The following KHDRBS2 variants were observed in gnomAD, a reference collection of about 807,000 sequenced individuals.
KHDRBS2 encodes the protein KH RNA binding domain containing, signal transduction associated 2.
A neutral mutation model predicts 44.3 loss-of-function variants in KHDRBS2; 26 were observed. The observed-to-expected ratio is 0.59, with a 90% CI of 0.43 to 0.81. The LOEUF (loss-of-function observed/expected upper bound fraction) is 0.81. Ranked by LOEUF, KHDRBS2 falls within the 40% of genes least tolerant of loss-of-function variation. The pLI, the probability that KHDRBS2 is intolerant of heterozygous loss-of-function variation, is 0.00. For missense variants in KHDRBS2, 476 were observed against 433.1 expected, an observed-to-expected ratio of 1.10 and a Z score of -0.88; for synonymous variants, 194 against 151.1, an observed-to-expected ratio of 1.28 and a Z score of -2.08.
In KHDRBS2 at chr6:61,732,723, G is replaced by A. The variant is rs766364909; in HGVS notation, c.852C>T (p.Thr284=). The A allele has an allele frequency of 3.7e-6, 6 of 1,612,060 alleles. No individual in the cohort carries two copies. The highest frequency in any genetic ancestry group is 5.1e-6 in the Non-Finnish European group (6 of 1,178,454). Residue 284 remains threonine (T), a synonymous_variant, in exon 7 of 9, where the codon ACC becomes ACT. Coordinates refer to ENST00000281156, the MANE Select transcript of KHDRBS2 (RefSeq NM_152688.4). The part of the protein sequence containing the change: ...DGYGGEYDDQ[T]YETYDNSYAT... ...CATAGCTGTTATCATAAGTCTCATA[G>A]GTCTGGTCATCATATTCACCCCCGT... is the stretch of plus-strand genomic sequence containing the variant.
rs575312300 is a variant in KHDRBS2 at position 61,876,920 on chromosome 6, C to A, written c.810+17715G>T. Among the ~76,000 whole-genome samples the A allele has an allele frequency of 1.7e-4, 26 of 152,178 alleles. No individual in the cohort carries two copies. In the South Asian group the frequency reaches 5.0e-3, roughly 29 times the overall value. Reference sequence around the variant, plus strand: ...TTCCTTGTAAATTTGATTCTGATATCTGTCATGAGACCCAAATACAATAGG... The same window carrying A: ...TTCCTTGTAAATTTGATTCTGATATATGTCATGAGACCCAAATACAATAGG... On this transcript the variant is annotated intron_variant, in intron 6 of 8. Coordinates refer to ENST00000281156, the MANE Select transcript of KHDRBS2 (RefSeq NM_152688.4).
intron 2 of KHDRBS2, among the ~76,000 whole-genome samples, chr6:62,168,948 T>C (rs1484347331): frequency 1.4e-5 from 2 of 147,942 alleles, no homozygotes; most frequent in African/African-American, 2.5e-5. Context: ...ATGTTAAAAT[T>C]TGAAAGAAAT....
intron 3 of KHDRBS2, among the ~76,000 whole-genome samples, chr6:62,039,561 C>T (rs1472905961): frequency 6.6e-6 from 1 of 151,916 alleles, no homozygotes; most frequent in African/African-American, 2.4e-5. Flanking sequence ...GTAATGGGCA[C>T]ATATATTCCC....
At chr6:61,576,923 T>C in the KHDRBS2 span, among the ~76,000 whole-genome samples, 1 of 152,192 alleles carries the variant, frequency 6.6e-6, no homozygotes, top group Non-Finnish European at 1.5e-5. Context: ...GTTTCCTATT[T>C]CTCAGGATCA....
At chr6:62,170,377 G>C (rs1819742799) in intron 2 of KHDRBS2, among the ~76,000 whole-genome samples, 1 of 152,102 alleles carries the variant, frequency 6.6e-6, no homozygotes, top group Admixed American at 6.5e-5. Context: ...AAGAAACGCA[G>C]GGATGGAGCT....
At chr6:61,642,714 A>T in the KHDRBS2 span, among the ~76,000 whole-genome samples, 1 of 152,022 alleles carries the variant, frequency 6.6e-6, no homozygotes, top group Non-Finnish European at 1.5e-5. Flanking sequence ...GTTGCATTTA[A>T]TTCCACAAAG....
chr6:62,038,584 T>G, intron 3 of KHDRBS2, among the ~76,000 whole-genome samples: 1 of 152,220 alleles, frequency 6.6e-6, no homozygotes, highest in South Asian at 2.1e-4. Flanking sequence ...TCACTGCAAC[T>G]AATGAAATTC....
chr6:62,155,264 T>C (rs900975954), intron 2 of KHDRBS2, among the ~76,000 whole-genome samples: 18 of 152,076 alleles, frequency 1.2e-4, no homozygotes, highest in African/African-American at 4.3e-4. Flanking sequence ...GAGAATAAAT[T>C]GATTGGAATA....
Position 61,911,024 on chromosome 6 carries a change from G to T in KHDRBS2, c.484-9653C>A, listed in dbSNP as rs371044343. The stretch of plus-strand genomic sequence containing the variant: ...ATGAACTCTTTGTTAACACAGAATT[G>T]ATAGTTCTCAGTATGATCTCTTGGG... On this transcript the variant is annotated intron_variant, in intron 4 of 8. Transcript: ENST00000281156. Among the ~76,000 whole-genome samples the T allele has an allele frequency of 3.0e-3, 450 of 152,214 alleles. 3 individuals carry two copies. The highest frequency in any genetic ancestry group is 0.01 in the African/African-American group (417 of 41,546).
chr6:61,651,630 T>A, the KHDRBS2 span, among the ~76,000 whole-genome samples: 3,734 of 152,216 alleles, frequency 0.025, 70 homozygotes, highest in Middle Eastern at 0.082. Flanking sequence ...AGATTACATA[T>A]CTTGTCCACA....
At chr6:61,603,915 G>T in the KHDRBS2 span, among the ~76,000 whole-genome samples, 1 of 151,910 alleles carries the variant, frequency 6.6e-6, no homozygotes, top group Non-Finnish European at 1.5e-5. Context: ...TTCTCACCCT[G>T]ATCACATTTG....
intron 2 of KHDRBS2, among the ~76,000 whole-genome samples, chr6:62,107,193 C>T (rs1169717684): frequency 2.0e-5 from 3 of 151,846 alleles, no homozygotes; most frequent in Non-Finnish European, 4.4e-5. Context: ...TCTAGAAAAC[C>T]CCATTGTCTC....
chr6:62,150,474 A>G (rs1412185992), intron 2 of KHDRBS2, among the ~76,000 whole-genome samples: 1 of 152,202 alleles, frequency 6.6e-6, no homozygotes, highest in Non-Finnish European at 1.5e-5. Context: ...AGGAGGAGAC[A>G]GTACCTTCCC....
chr6:61,953,503 T>G (rs1765211994), intron 4 of KHDRBS2, among the ~76,000 whole-genome samples: 1 of 151,998 alleles, frequency 6.6e-6, no homozygotes, highest in Admixed American at 6.6e-5. Context: ...ATCGCTATAT[T>G]TTTTTAAATT....
chr6:61,553,762 A>G, the KHDRBS2 span, among the ~76,000 whole-genome samples: 4 of 152,104 alleles, frequency 2.6e-5, no homozygotes, highest in African/African-American at 9.7e-5. Flanking sequence ...ATTTACCAAA[A>G]AGTTATTCTG....
At chr6:61,910,293 A>G (rs767661260) in intron 4 of KHDRBS2, among the ~76,000 whole-genome samples, 1 of 152,224 alleles carries the variant, frequency 6.6e-6, no homozygotes, top group African/African-American at 2.4e-5. Flanking sequence ...GCTCAGAACC[A>G]GAAAAAACGC....
intron 2 of KHDRBS2, among the ~76,000 whole-genome samples, chr6:62,175,180 C>A (rs1820836702): frequency 6.6e-6 from 1 of 151,602 alleles, no homozygotes; most frequent in Non-Finnish European, 1.5e-5. Context: ...CTCAGAATTT[C>A]ACTCTTTTTC....
At chr6:62,284,789 T>A (rs1238699619) in intron 1 of KHDRBS2, among the ~76,000 whole-genome samples, 1 of 152,164 alleles carries the variant, frequency 6.6e-6, no homozygotes, top group Admixed American at 6.5e-5. Flanking sequence ...CCTATTTAAA[T>A]CATATATTGA....
chr6:61,919,830 T>C (rs1807712310), intron 4 of KHDRBS2, among the ~76,000 whole-genome samples: 3 of 151,894 alleles, frequency 2.0e-5, no homozygotes, highest in Non-Finnish European at 4.4e-5. Flanking sequence ...TCTGTCTTTT[T>C]GGGAAGATGT....
Sources: allele counts gnomAD v4.1 joint callset (sites outside exome capture counted in the v4.1 genomes callset), GRCh38; gene constraint gnomAD v4.1.1; transcripts MANE v1.5; gene names NCBI Gene and HGNC (gene_info 2026-07-23, HGNC 2026-07-21).